Variants in PARD3 observed in about 807,000 individuals in gnomAD.
PARD3 encodes the protein par-3 family cell polarity regulator, also known as partitioning defective 3 homolog.
PARD3 carries 75 observed loss-of-function variants against 155.4 expected under a neutral mutation model. The ratio of observed to expected loss-of-function variants is 0.48; its 90% CI spans 0.40 to 0.58. PARD3 has a LOEUF of 0.58. Ranked by LOEUF, PARD3 falls within the 20% of genes least tolerant of loss-of-function variation. The probability of loss-of-function intolerance (pLI) is 0.00; values close to 1 mark genes in which losing one functional copy is unlikely to be tolerated. For synonymous variants in PARD3, 576 were observed against 610.5 expected (o/e 0.94, Z 0.83); for missense variants, 1,642 against 1,721.7 (o/e 0.95, Z 0.82).
intron 20 of PARD3, among the ~76,000 whole-genome samples, chr10:34,287,104 C>T (rs1177412324): frequency 2.0e-5 from 3 of 151,972 alleles, no homozygotes; most frequent in Admixed American, 6.6e-5. Flanking sequence ...CAGCATAAGG[C>T]GGGATGGATT....
At chr10:34,245,251 C>T (rs908155610) in intron 22 of PARD3, among the ~76,000 whole-genome samples, 5 of 152,024 alleles carry the variant, frequency 3.3e-5, no homozygotes, top group African/African-American at 9.7e-5. Flanking sequence ...TGCAGCAGGG[C>T]GTTCCACACT....
intron 7 of PARD3, among the ~76,000 whole-genome samples, chr10:34,394,202 T>G (rs138921121): frequency 2.0e-5 from 3 of 152,214 alleles, no homozygotes; most frequent in African/African-American, 7.2e-5. Flanking sequence ...ATGTTTGTAT[T>G]TTTAGTATAC....
At chr10:34,606,867 T>C (rs1029185305) in intron 2 of PARD3, among the ~76,000 whole-genome samples, 10 of 149,328 alleles carry the variant, frequency 6.7e-5, no homozygotes, top group Non-Finnish European at 1.2e-4. Context: ...CTCAGGAAGC[T>C]GAGGCAGGAG....
chr10:34,370,809 T>TGG (rs1840514898), intron 12 of PARD3, among the ~76,000 whole-genome samples: 1 of 10,866 alleles, frequency 9.2e-5, no homozygotes. Context: ...ACAAATGGGG[T>TGG]GTGTGTGTGT....
intron 7 of PARD3, among the ~76,000 whole-genome samples, chr10:34,392,144 A>T (rs1842921422): frequency 6.6e-6 from 1 of 152,202 alleles, no homozygotes; most frequent in Non-Finnish European, 1.5e-5. Context: ...AAAAAATATA[A>T]AGAAAGAAAG....
At chr10:34,642,462 T>G (rs2092708608) in intron 2 of PARD3, among the ~76,000 whole-genome samples, 1 of 151,986 alleles carries the variant, frequency 6.6e-6, no homozygotes, top group African/African-American at 2.4e-5. Flanking sequence ...CTCACCAGCC[T>G]GCTCTTCCTG....
chr10:34,443,421 C>T (rs2384225), intron 5 of PARD3, among the ~76,000 whole-genome samples: 67,167 of 151,932 alleles, frequency 0.44, 15,700 homozygotes, highest in African/African-American at 0.58. Flanking sequence ...AATACATACC[C>T]GAGACTGGGC....
At chr10:34,173,169 C>T (rs1317802150) in intron 22 of PARD3, among the ~76,000 whole-genome samples, 5 of 152,332 alleles carry the variant, frequency 3.3e-5, no homozygotes, top group African/African-American at 4.8e-5. Context: ...GTGCGGGTAT[C>T]GGCTGTGTCT....
intron 1 of PARD3, among the ~76,000 whole-genome samples, chr10:34,779,199 G>C (rs529415138): frequency 6.6e-6 from 1 of 152,146 alleles, no homozygotes; most frequent in Non-Finnish European, 1.5e-5. Flanking sequence ...CCAGGTACTC[G>C]GGAGGCTGAG....
chr10:34,460,649 C>T (rs1046751781), intron 4 of PARD3, among the ~76,000 whole-genome samples: 3 of 151,898 alleles, frequency 2.0e-5, no homozygotes, highest in African/African-American at 2.4e-5. Flanking sequence ...CTGACTAACA[C>T]GGTGAAACCC....
In PARD3 at chr10:34,360,161, A is replaced by G; in HGVS notation, c.1806T>C (p.Gly602=). ...TTGACCGGTTACCTTTGACACTGAC[A>G]CCAAGGCCTGCAGATCCTGAATCAT... The part of the protein sequence containing the change: ...PLNDSGSAGL[G]VSVKGNRSKE... The change falls in exon 13 of 25, where the codon GGT becomes GGC. Residue 602 remains glycine (G), a synonymous_variant. Transcript: ENST00000374788. 1 of 1,613,958 alleles carries G rather than the reference A, an allele frequency of 6.2e-7. No individual in the cohort carries two copies. Among genetic ancestry groups the G allele is most frequent in the Non-Finnish European group, 8.5e-7 (1 of 1,179,820 alleles).
chr10:34,121,270 C>G (rs1946986684), intron 23 of PARD3, among the ~76,000 whole-genome samples: 1 of 152,128 alleles, frequency 6.6e-6, no homozygotes, highest in East Asian at 1.9e-4. Flanking sequence ...ATAAAAGTAG[C>G]TGTGCTCAAA....
At chr10:34,629,624 G>C (rs1372786595) in intron 2 of PARD3, among the ~76,000 whole-genome samples, 5 of 152,192 alleles carry the variant, frequency 3.3e-5, no homozygotes, top group Non-Finnish European at 7.4e-5. Flanking sequence ...TACACAGACT[G>C]ATCAAAATTA....
intron 23 of PARD3, among the ~76,000 whole-genome samples, chr10:34,129,410 C>T (rs60455124): frequency 6.6e-6 from 1 of 152,280 alleles, no homozygotes; most frequent in South Asian, 2.1e-4. Context: ...ACCTTGACCT[C>T]GCAAAGTGCT....
intron 19 of PARD3, among the ~76,000 whole-genome samples, chr10:34,329,308 C>T (rs777094555): frequency 6.6e-6 from 1 of 151,826 alleles, no homozygotes; most frequent in Non-Finnish European, 1.5e-5. Context: ...AACATTTTAA[C>T]CAGAACAAGA....
intron 7 of PARD3, among the ~76,000 whole-genome samples, chr10:34,389,239 TAAAAAAAAAAAA>T (rs57615675): frequency 6.1e-5 from 4 of 65,882 alleles, no homozygotes; most frequent in Non-Finnish European, 7.9e-5. Flanking sequence ...CAATGTTTCT[TAAAAAAAAAAAA>T]AAAAAAAAAA....
intron 1 of PARD3, among the ~76,000 whole-genome samples, chr10:34,777,696 A>G (rs1839755859): frequency 6.9e-6 from 1 of 143,948 alleles, no homozygotes; most frequent in Non-Finnish European, 1.5e-5. Context: ...ACAGTCAGCT[A>G]ATTTTTTTTT....
chr10:34,310,249 T>C (rs1957632973), intron 20 of PARD3, among the ~76,000 whole-genome samples: 1 of 152,220 alleles, frequency 6.6e-6, no homozygotes, highest in South Asian at 2.1e-4. Context: ...TTGTGGTGAA[T>C]ATCATTAGCT....
At chr10:34,670,637 G>A (rs758843940) in intron 2 of PARD3, among the ~76,000 whole-genome samples, 1 of 152,148 alleles carries the variant, frequency 6.6e-6, no homozygotes, top group Non-Finnish European at 1.5e-5. Context: ...GGATGTATGA[G>A]TGTGTGCATG....
Sources: allele counts gnomAD v4.1 joint callset (sites outside exome capture counted in the v4.1 genomes callset), GRCh38; gene constraint gnomAD v4.1.1; transcripts MANE v1.5; gene names NCBI Gene and HGNC (gene_info 2026-07-23, HGNC 2026-07-21).